EGFR: variants seen among roughly 807,000 people sequenced by gnomAD.
The protein encoded by EGFR is avian erythroblastic leukemia viral (v-erb-b) oncogene homolog.
A neutral mutation model predicts 143.0 loss-of-function variants in EGFR; 58 were observed. That is an observed-to-expected ratio of 0.41 (90% CI 0.33 to 0.50). EGFR has a LOEUF of 0.50. Ranked by LOEUF, EGFR falls within the 20% of genes least tolerant of loss-of-function variation. The probability of loss-of-function intolerance (pLI) is 0.39; values close to 1 mark genes in which losing one functional copy is unlikely to be tolerated. For missense variants in EGFR, 1,307 were observed against 1,579.0 expected (o/e 0.83, Z 2.92); for synonymous variants, 613 against 594.4 (o/e 1.03, Z -0.45).
intron 19 of EGFR, chr7:55,180,046 A>C (rs1338999426): frequency 6.6e-6 from 1 of 152,310 alleles, no homozygotes; most frequent in African/African-American, 2.4e-5. Flanking sequence ...CCTGTCTCCT[A>C]TCTCCACCCT....
chr7:55,152,750 G>A (rs974327404), intron 6 of EGFR, 86 bp downstream of exon 6: 60 of 1,130,404 alleles, frequency 5.3e-5, no homozygotes, highest in African/African-American at 9.2e-5. Context: ...TTCCTGTGGG[G>A]GAGCTGTCAA....
At chr7:55,097,736 A>G (rs1791563166) in intron 1 of EGFR, among the ~76,000 whole-genome samples, 3 of 152,176 alleles carry the variant, frequency 2.0e-5, no homozygotes, top group Admixed American at 2.0e-4. Flanking sequence ...ACAGATTGCC[A>G]TGGAGCATGT....
chr7:55,022,537 T>C (rs1033906583), intron 1 of EGFR, among the ~76,000 whole-genome samples: 1 of 152,212 alleles, frequency 6.6e-6, no homozygotes, highest in Non-Finnish European at 1.5e-5. Flanking sequence ...GCTTCTGAGC[T>C]GTTGTTTCTG....
At chr7:55,098,712 T>C (rs903824418) in intron 1 of EGFR, among the ~76,000 whole-genome samples, 1 of 152,218 alleles carries the variant, frequency 6.6e-6, no homozygotes, top group Non-Finnish European at 1.5e-5. Flanking sequence ...AATAACTAAT[T>C]TGTCTTGTCA....
chr7:55,114,701 T>C (rs1048834355), intron 1 of EGFR, among the ~76,000 whole-genome samples: 1 of 152,090 alleles, frequency 6.6e-6, no homozygotes, highest in Non-Finnish European at 1.5e-5. Flanking sequence ...ATCCATTCTT[T>C]CCTATAGTAT....
chr7:55,099,742 G>C (rs1791691208), intron 1 of EGFR, among the ~76,000 whole-genome samples: 5 of 151,984 alleles, frequency 3.3e-5, no homozygotes, highest in Admixed American at 3.3e-4. Context: ...CCCCTTCTAG[G>C]ATCTGATTCC....
chr7:55,177,955 G>A (rs1584232137), intron 19 of EGFR, among the ~76,000 whole-genome samples: 1 of 152,248 alleles, frequency 6.6e-6, no homozygotes, highest in African/African-American at 2.4e-5. Flanking sequence ...CGTTCCCATT[G>A]TGCCTGCTGG....
intron 1 of EGFR, among the ~76,000 whole-genome samples, chr7:55,100,817 CG>C (rs1315169568): frequency 6.6e-6 from 1 of 152,210 alleles, no homozygotes; most frequent in Non-Finnish European, 1.5e-5. Flanking sequence ...GGAGGGCTGG[CG>C]GGGCCCTGAA....
intron 1 of EGFR, among the ~76,000 whole-genome samples, chr7:55,061,649 T>TGAGA (rs1174312198): frequency 3.5e-4 from 46 of 132,804 alleles, no homozygotes; most frequent in South Asian, 9.8e-4. Flanking sequence ...TGTGTGTGTG[T>TGAGA]GAGAGAGAGA....
chr7:55,101,913 G>T (rs1459554885), intron 1 of EGFR, among the ~76,000 whole-genome samples: 2 of 152,114 alleles, frequency 1.3e-5, no homozygotes, highest in African/African-American at 4.8e-5. Flanking sequence ...CCTTTTCCAC[G>T]CAGCCCAGAA....
intron 2 of EGFR, 133 bp from the exon 3 acceptor site, chr7:55,143,172 A>C: frequency 3.5e-6 from 3 of 848,204 alleles, no homozygotes; most frequent in Non-Finnish European, 5.8e-6. Flanking sequence ...TCGTCTACCT[A>C]TTTTACAGTT....
At chr7:55,120,144 G>T (rs976797792) in intron 1 of EGFR, among the ~76,000 whole-genome samples, 2 of 152,160 alleles carry the variant, frequency 1.3e-5, no homozygotes, top group East Asian at 3.9e-4. Flanking sequence ...CTGTTGCATC[G>T]CTGTGTCTCT....
chr7:55,132,012 T>TGGTTG (rs1793870603), intron 1 of EGFR, among the ~76,000 whole-genome samples: 1 of 151,554 alleles, frequency 6.6e-6, no homozygotes, highest in Admixed American at 6.6e-5. Flanking sequence ...GCTCTTTTCT[T>TGGTTG]TCGATTTTTG....
At chr7:55,188,027 G>T (rs986986200) in intron 20 of EGFR, among the ~76,000 whole-genome samples, 1 of 152,228 alleles carries the variant, frequency 6.6e-6, no homozygotes, top group Admixed American at 6.5e-5. Context: ...CCCAGGGGAA[G>T]GGTGATGGTG....
intron 1 of EGFR, among the ~76,000 whole-genome samples, chr7:55,021,333 C>G (rs1394905212): frequency 6.6e-6 from 1 of 152,212 alleles, no homozygotes; most frequent in Non-Finnish European, 1.5e-5. Flanking sequence ...GCCGAAGAGA[C>G]TCTTCTCTTT....
At chr7:55,081,731 T>TA (rs1554326155) in intron 1 of EGFR, among the ~76,000 whole-genome samples, 66 of 151,380 alleles carry the variant, frequency 4.4e-4, no homozygotes, top group Non-Finnish European at 6.9e-4. Flanking sequence ...TTTTTTTTTT[T>TA]TTATTTGCAA....
intron 1 of EGFR, among the ~76,000 whole-genome samples, chr7:55,075,323 A>G (rs1229568846): frequency 6.6e-6 from 1 of 152,132 alleles, no homozygotes; most frequent in Non-Finnish European, 1.5e-5. Context: ...TTCACTCTGA[A>G]CCCTTCTTTG....
At chr7:55,066,150 C>T (rs1472414578) in intron 1 of EGFR, among the ~76,000 whole-genome samples, 3 of 152,100 alleles carry the variant, frequency 2.0e-5, no homozygotes, top group Admixed American at 6.5e-5. Flanking sequence ...GTCCTTTCCT[C>T]CCATGTTTGC....
intron 1 of EGFR, among the ~76,000 whole-genome samples, chr7:55,045,400 A>C (rs1054510864): frequency 6.6e-6 from 1 of 152,212 alleles, no homozygotes; most frequent in Non-Finnish European, 1.5e-5. Flanking sequence ...AATTGATTGA[A>C]CTTCACTTGC....
Sources: gnomAD v4.1 joint callset for allele counts (sites outside exome capture counted in the v4.1 genomes callset) on GRCh38, gnomAD v4.1.1 for gene constraint, MANE v1.5 for transcripts, NCBI Gene and HGNC (gene_info 2026-07-23, HGNC 2026-07-21) for gene names.